Variants in IL1RAPL1 observed in about 807,000 individuals in gnomAD.
IL1RAPL1 encodes the protein interleukin-1 receptor accessory protein-like 1.
In IL1RAPL1, 3 loss-of-function variants were observed where a neutral mutation model predicts 48.4. The observed-to-expected ratio is 0.06, with a 90% CI of 0.03 to 0.16. The LOEUF (loss-of-function observed/expected upper bound fraction) is 0.16. Among genes scored for constraint, IL1RAPL1 ranks in the 10% least tolerant of loss-of-function variants. The pLI is 1.00. For missense variants in IL1RAPL1, 349 were observed against 530.6 expected (o/e 0.66, Z 3.36); for synonymous variants, 185 against 187.7 (o/e 0.99, Z 0.12).
At chrX:29,631,417 G>A (rs183191927) in intron 5 of IL1RAPL1, among the ~76,000 whole-genome samples, 50 of 110,909 alleles carry the variant, frequency 4.5e-4, no homozygotes, top group South Asian at 1.2e-3. Flanking sequence ...GACTACATAC[G>A]TGTGCCACCA....
intron 5 of IL1RAPL1, among the ~76,000 whole-genome samples, chrX:29,603,776 C>T (rs1381440028): frequency 5.4e-5 from 6 of 111,845 alleles, no homozygotes; most frequent in Non-Finnish European, 7.5e-5. Flanking sequence ...AAAATATTTT[C>T]TCCATAATAA....
intron 6 of IL1RAPL1, among the ~76,000 whole-genome samples, chrX:29,861,521 C>G (rs1400765672): frequency 1.8e-5 from 2 of 111,039 alleles, no homozygotes; most frequent in East Asian, 5.7e-4. Context: ...ACCTAACTAG[C>G]TGATCCTGGT....
At chrX:28,656,107 TA>T (rs1188414175) in intron 1 of IL1RAPL1, among the ~76,000 whole-genome samples, 1 of 112,284 alleles carries the variant, frequency 8.9e-6, no homozygotes, top group Non-Finnish European at 1.9e-5. Context: ...AAGCAAATTG[TA>T]GGATAAGATA....
chrX:29,649,624 C>T (rs1184443958), intron 5 of IL1RAPL1, among the ~76,000 whole-genome samples: 1 of 111,222 alleles, frequency 9.0e-6, no homozygotes, highest in Non-Finnish European at 1.9e-5. Context: ...CCATAAAGAC[C>T]ATATGTGACA....
chrX:29,932,224 T>C (rs1601889303), intron 8 of IL1RAPL1, among the ~76,000 whole-genome samples: 1 of 112,312 alleles, frequency 8.9e-6, no homozygotes. Flanking sequence ...AGTCTTTAGA[T>C]AGAAATATTT....
At chrX:28,659,252 T>A in intron 1 of IL1RAPL1, 1 of 663,894 alleles carries the variant, frequency 1.5e-6, no homozygotes, top group Non-Finnish European at 2.4e-6. Flanking sequence ...CTGAGCAATT[T>A]CTTGCACCAA....
intron 9 of IL1RAPL1, among the ~76,000 whole-genome samples, chrX:29,950,044 C>T (rs1035664440): frequency 8.9e-6 from 1 of 111,888 alleles, no homozygotes; most frequent in African/African-American, 3.2e-5. Context: ...AATTAGATAT[C>T]ACTCAAGTGT....
At chrX:29,771,510 C>G (rs189080187) in intron 6 of IL1RAPL1, among the ~76,000 whole-genome samples, 334 of 111,957 alleles carry the variant, frequency 3.0e-3, no homozygotes, top group Non-Finnish European at 4.1e-3. Flanking sequence ...TCTCATTTTT[C>G]ACATGTTCTT....
rs764005213 is a variant in IL1RAPL1 at position 29,950,780 on chromosome X, C to T, written c.1202-3742C>T. Among the ~76,000 whole-genome samples, 67 of 108,698 alleles carry T rather than the reference C, an allele frequency of 6.2e-4. No individual in the cohort carries two copies. In the East Asian group the frequency reaches 0.019, roughly 32 times the overall value. The allele number at this position is 108,698 out of a possible 115,157, so 94.4% of individuals were successfully genotyped here. ...CAAGCTCCGCCTCCCGGGTTCACGCCATTCTCCTGCCTCAGCCTCCCGAGT... is the reference window on the plus strand; with the variant it reads ...CAAGCTCCGCCTCCCGGGTTCACGCTATTCTCCTGCCTCAGCCTCCCGAGT... On this transcript the variant is annotated intron_variant, in intron 9 of 10. Coordinates refer to ENST00000378993, the MANE Select transcript of IL1RAPL1 (RefSeq NM_014271.4).
intron 5 of IL1RAPL1, among the ~76,000 whole-genome samples, chrX:29,550,450 A>G (rs1921775996): frequency 8.9e-6 from 1 of 111,859 alleles, no homozygotes; most frequent in Non-Finnish European, 1.9e-5. Context: ...AAGTGCTAGG[A>G]TTGCAGGCGT....
chrX:28,639,017 G>C (rs1934501646), intron 1 of IL1RAPL1, among the ~76,000 whole-genome samples: 1 of 111,911 alleles, frequency 8.9e-6, no homozygotes, highest in South Asian at 3.7e-4. Flanking sequence ...TGTGACCACA[G>C]ACAAGTTACA....
At chrX:29,137,337 A>C (rs1929153092) in intron 2 of IL1RAPL1, among the ~76,000 whole-genome samples, 1 of 111,526 alleles carries the variant, frequency 9.0e-6, no homozygotes, top group Non-Finnish European at 1.9e-5. Flanking sequence ...TCTCCTCTTC[A>C]CAGATATTGA....
intron 5 of IL1RAPL1, among the ~76,000 whole-genome samples, chrX:29,550,343 C>A (rs942283620): frequency 4.5e-5 from 5 of 110,880 alleles, no homozygotes; most frequent in Non-Finnish European, 9.5e-5. Flanking sequence ...AGGCGCCCGC[C>A]ACCACGCCCG....
At chrX:29,213,861 T>A (rs1930817463) in intron 2 of IL1RAPL1, among the ~76,000 whole-genome samples, 1 of 112,193 alleles carries the variant, frequency 8.9e-6, no homozygotes, top group South Asian at 3.7e-4. Context: ...ATCCATAACA[T>A]TTATCATCCT....
chrX:28,881,918 A>G (rs756882694), intron 2 of IL1RAPL1, among the ~76,000 whole-genome samples: 2 of 110,648 alleles, frequency 1.8e-5, no homozygotes, highest in South Asian at 7.7e-4. Context: ...TATGTGTATT[A>G]TGGATGTGCC....
At chrX:29,802,767 ATATATATATATATATGTGTGTGTG>A (rs1230449699) in intron 6 of IL1RAPL1, among the ~76,000 whole-genome samples, 26 of 27,053 alleles carry the variant, frequency 9.6e-4, no homozygotes, top group African/African-American at 6.1e-3. Flanking sequence ...ATATATATAT[ATATATATATATATATGTGTGTGTG>A]TATATATATA....
At chrX:29,166,111 G>T (rs182302139) in intron 2 of IL1RAPL1, among the ~76,000 whole-genome samples, 2 of 112,330 alleles carry the variant, frequency 1.8e-5, no homozygotes. Flanking sequence ...ACTCTTTGTA[G>T]TCTTTTTTAT....
chrX:29,223,521 T>C (rs1931022085), intron 2 of IL1RAPL1, among the ~76,000 whole-genome samples: 1 of 109,462 alleles, frequency 9.1e-6, no homozygotes, highest in African/African-American at 3.3e-5. Context: ...AATTACATGT[T>C]ACTATATTGC....
intron 5 of IL1RAPL1, among the ~76,000 whole-genome samples, chrX:29,665,830 T>G (rs1925983646): frequency 8.9e-6 from 1 of 112,024 alleles, no homozygotes; most frequent in South Asian, 3.7e-4. Context: ...TGGCAAGAGC[T>G]CTCTGCCGTA....
Sources: gnomAD v4.1 joint callset for allele counts (sites outside exome capture counted in the v4.1 genomes callset) on GRCh38, gnomAD v4.1.1 for gene constraint, MANE v1.5 for transcripts, NCBI Gene and HGNC (gene_info 2026-07-23, HGNC 2026-07-21) for gene names.